The following NTAQ1 variants were observed in gnomAD, a reference collection of about 807,000 sequenced individuals.
NTAQ1 encodes protein N-terminal glutamine amidohydrolase.
NTAQ1 carries 21 observed loss-of-function variants against 28.2 expected under a neutral mutation model. The observed-to-expected ratio is 0.74, with a 90% CI of 0.53 to 1.07. The LOEUF is 1.07. Ranked by LOEUF, NTAQ1 falls within the 50% of genes least tolerant of loss-of-function variation. The pLI is 0.00. For synonymous variants in NTAQ1, 105 were observed against 90.0 expected (o/e 1.17, Z -0.94); for missense variants, 264 against 256.6 (o/e 1.03, Z -0.20).
chr8:123,438,708 C>T (rs976402947), intron 5 of NTAQ1, among the ~76,000 whole-genome samples: 12 of 150,990 alleles, frequency 7.9e-5, no homozygotes, highest in Admixed American at 2.0e-4. Context: ...AATAGTTTAA[C>T]GGAAGAAAGT....
intron 6 of NTAQ1, among the ~76,000 whole-genome samples, chr8:123,465,243 C>T (rs1815933192): frequency 6.6e-6 from 1 of 152,166 alleles, no homozygotes; most frequent in African/African-American, 2.4e-5. Flanking sequence ...GACATTGACA[C>T]AATACTGTGA....
chr8:123,468,738 GT>G (rs1816010131), exon 7 of NTAQ1, among the ~76,000 whole-genome samples: 1 of 152,162 alleles, frequency 6.6e-6, no homozygotes. Flanking sequence ...GGGATTGCTG[GT>G]CATATAGTTG....
At position 123,437,349 on chromosome 8, in the gene NTAQ1, C is replaced by T; in HGVS notation, c.508+15C>T. The T allele has an allele frequency of 1.9e-6, 3 of 1,613,564 alleles. No homozygotes were observed. Among genetic ancestry groups the T allele is most frequent in the Non-Finnish European group, 2.5e-6 (3 of 1,179,744 alleles). On this transcript the variant is annotated intron_variant, in intron 5 of 5. Coordinates refer to ENST00000287387, the MANE Select transcript of NTAQ1 (RefSeq NM_018024.3). ...TGAGACTGGAGGTGAGCCAAGATGC[C>T]TTCTCAGATGGGGGTTCTGATTGAT...
At chr8:123,451,260 C>T (rs1446277871), downstream of NTAQ1, among the ~76,000 whole-genome samples, 1 of 152,236 alleles carries the variant, frequency 6.6e-6, no homozygotes, top group Non-Finnish European at 1.5e-5. Flanking sequence ...CCCCAGTCAA[C>T]ATGACAGTAC....
intron 5 of NTAQ1, chr8:123,438,107 C>A: frequency 1.4e-6 from 1 of 696,076 alleles, no homozygotes; most frequent in Admixed American, 2.1e-5. Flanking sequence ...TTTTATTGTA[C>A]CACTTGTCTC....
chr8:123,426,375 G>T (rs13258747), intron 1 of NTAQ1, among the ~76,000 whole-genome samples: 54,918 of 151,830 alleles, frequency 0.36, 10,013 homozygotes, highest in East Asian at 0.56. Flanking sequence ...CTAAAAATCA[G>T]GCCTCTTGAG....
At chr8:123,439,643 C>G (rs911927933) in intron 5 of NTAQ1, among the ~76,000 whole-genome samples, 6 of 151,806 alleles carry the variant, frequency 4.0e-5, no homozygotes, top group African/African-American at 1.5e-4. Context: ...ACCGCGCCGG[C>G]CACACCTGGT....
At chr8:123,459,989 G>A (rs1815772761) in intron 6 of NTAQ1, among the ~76,000 whole-genome samples, 1 of 151,860 alleles carries the variant, frequency 6.6e-6, no homozygotes, top group African/African-American at 2.4e-5. Context: ...TAGTGGAGAC[G>A]GGGTTTCTCC....
chr8:123,454,123 TA>T (rs1815581362), intron 6 of NTAQ1, among the ~76,000 whole-genome samples: 1 of 152,182 alleles, frequency 6.6e-6, no homozygotes. Flanking sequence ...ACTTTATCAA[TA>T]AATGTCAAAC....
chr8:123,442,737 C>T (rs942692940), downstream of NTAQ1, among the ~76,000 whole-genome samples: 4 of 151,868 alleles, frequency 2.6e-5, no homozygotes, highest in Admixed American at 2.0e-4. Flanking sequence ...GGCACGATCT[C>T]GGCTCACTGT....
chr8:123,449,690 C>A (rs80164229), downstream of NTAQ1, among the ~76,000 whole-genome samples: 9,317 of 151,256 alleles, frequency 0.062, 420 homozygotes, highest in Middle Eastern at 0.12. Context: ...GGAGGAAGAT[C>A]AGGAGTTTTA....
intron 6 of NTAQ1, among the ~76,000 whole-genome samples, chr8:123,454,000 G>GGT (rs1815578341): frequency 6.6e-6 from 1 of 152,214 alleles, no homozygotes; most frequent in South Asian, 2.1e-4. Context: ...TCACTAGCAA[G>GGT]GTGCTGTCTG....
downstream of NTAQ1, among the ~76,000 whole-genome samples, chr8:123,448,673 C>G (rs888086657): frequency 5.9e-5 from 9 of 152,162 alleles, no homozygotes; most frequent in African/African-American, 2.2e-4. Flanking sequence ...CGCAGACTGC[C>G]CCCTTAGTGT....
At chr8:123,446,284 G>A (rs563778556), downstream of NTAQ1, among the ~76,000 whole-genome samples, 25 of 152,310 alleles carry the variant, frequency 1.6e-4, no homozygotes, top group Non-Finnish European at 3.2e-4. Context: ...GGGATTACAG[G>A]CATCAGCCAC....
At chr8:123,450,603 C>T (rs1398419306), downstream of NTAQ1, among the ~76,000 whole-genome samples, 3 of 152,170 alleles carry the variant, frequency 2.0e-5, no homozygotes, top group African/African-American at 4.8e-5. Context: ...GCAGGGCAAA[C>T]ACTCCTCAGT....
exon 7 of NTAQ1, among the ~76,000 whole-genome samples, chr8:123,468,937 C>T (rs59493118): frequency 0.18 from 27,302 of 152,032 alleles, 2,881 homozygotes; most frequent in Non-Finnish European, 0.25. Flanking sequence ...GGTGATATCT[C>T]CTTGTGGTTT....
chr8:123,470,224 T>A (rs191837799), downstream of NTAQ1, among the ~76,000 whole-genome samples: 324 of 152,320 alleles, frequency 2.1e-3, no homozygotes, highest in Admixed American at 4.8e-3. Flanking sequence ...TTCCTGTGTT[T>A]AAGCCACCAC....
In NTAQ1 at chr8:123,416,918, C is replaced by T. The variant is rs1448804308; in HGVS notation, c.69C>T (p.Tyr23=). Reference sequence around the variant, plus strand: ...GCCCCCCGCGGGACGCCTGCGTCTACAGCAGCTGCTACTGGTGAGGGGGCG... The same window carrying T: ...GCCCCCCGCGGGACGCCTGCGTCTATAGCAGCTGCTACTGGTGAGGGGGCG... ...PASPPRDACV[Y]SSCYCEENIW... Residue 23 remains tyrosine, a synonymous_variant, in exon 1 of 6, where the codon TAC becomes TAT. Coordinates refer to ENST00000287387, the MANE Select transcript of NTAQ1 (RefSeq NM_018024.3). 16 of 1,514,132 alleles carry T rather than the reference C, an allele frequency of 1.1e-5. No individual in the cohort carries two copies. Among genetic ancestry groups the T allele is most frequent in the Non-Finnish European group, 1.4e-5 (16 of 1,131,694 alleles). 93.8% of individuals were successfully genotyped at this position (1,514,132 alleles called of 1,614,324 possible). A position where few individuals can be genotyped will look rare whatever the true frequency, so the allele number is the denominator to read the frequency against.
intron 1 of NTAQ1, among the ~76,000 whole-genome samples, chr8:123,419,766 T>A (rs1178749730): frequency 2.6e-5 from 1 of 39,090 alleles, no homozygotes; most frequent in African/African-American, 8.2e-5. Context: ...CTTCCTTCCT[T>A]CCTTTCTTCC....
Sources: allele counts gnomAD v4.1 joint callset (sites outside exome capture counted in the v4.1 genomes callset), GRCh38; gene constraint gnomAD v4.1.1; transcripts MANE v1.5; gene names NCBI Gene and HGNC (gene_info 2026-07-23, HGNC 2026-07-21).